Variants in SGCD observed in about 807,000 individuals in gnomAD.
SGCD encodes sarcoglycan delta.
Under a neutral mutation model 36.6 loss-of-function variants are expected in SGCD, and 18 were observed. The observed-to-expected ratio is 0.49, with a 90% CI of 0.34 to 0.73. The LOEUF (loss-of-function observed/expected upper bound fraction) is 0.73, where lower values mean the gene tolerates loss of function less well. Ranked by LOEUF, SGCD falls within the 30% of genes least tolerant of loss-of-function variation. The pLI is 0.01. For synonymous variants in SGCD, 133 were observed against 130.6 expected, an observed-to-expected ratio of 1.02 and a Z score of -0.12; for missense variants, 387 against 346.7, an observed-to-expected ratio of 1.12 and a Z score of -0.92.
At chr5:156,312,256 T>G (rs1355561886) in intron 3 of SGCD, among the ~76,000 whole-genome samples, 3 of 152,178 alleles carry the variant, frequency 2.0e-5, no homozygotes, top group Admixed American at 6.5e-5. Flanking sequence ...ATTTATTTAT[T>G]GAGTGGCAGG....
At chr5:156,500,030 A>G (rs1180994175) in intron 3 of SGCD, among the ~76,000 whole-genome samples, 1 of 152,192 alleles carries the variant, frequency 6.6e-6, no homozygotes, top group South Asian at 2.1e-4. Context: ...GATATGCTGC[A>G]TATGTACTTT....
intron 3 of SGCD, among the ~76,000 whole-genome samples, chr5:156,395,444 C>T (rs1580924051): frequency 6.6e-6 from 1 of 152,330 alleles, no homozygotes; most frequent in African/African-American, 2.4e-5. Context: ...CCTGGATTGT[C>T]AGTAGAGACA....
In SGCD at chr5:156,049,379, G is replaced by C. The variant is rs909154990; in HGVS notation, c.-281-68499G>C. ...CTGTGAAGAAAGTCATTGGTAGCTTGATGGGGATGGCATTGAATCTATAAA... is the reference window on the plus strand; with the variant it reads ...CTGTGAAGAAAGTCATTGGTAGCTTCATGGGGATGGCATTGAATCTATAAA... On this transcript the variant is annotated intron_variant, in intron 1 of 9. Coordinates refer to the SGCD transcript ENST00000517913. 2.7e-5 allele frequency among the ~76,000 whole-genome samples: 4 copies of C among 146,024 alleles called. 1 individual carries two copies. Among genetic ancestry groups the C allele is most frequent in the Non-Finnish European group, 6.2e-5 (4 of 64,792 alleles).
chr5:155,830,799 A>G, the SGCD span, among the ~76,000 whole-genome samples: 1 of 152,216 alleles, frequency 6.6e-6, no homozygotes, highest in Non-Finnish European at 1.5e-5. Flanking sequence ...TCTGGGGGCC[A>G]CATAAGTTCT....
At chr5:156,641,209 C>T (rs761430725) in intron 6 of SGCD, among the ~76,000 whole-genome samples, 36 of 152,206 alleles carry the variant, frequency 2.4e-4, no homozygotes, top group Non-Finnish European at 4.4e-4. Flanking sequence ...CCATAACTCA[C>T]TCTTCTACAA....
At chr5:155,900,335 A>C (rs905944238) in intron 1 of SGCD, among the ~76,000 whole-genome samples, 1 of 152,192 alleles carries the variant, frequency 6.6e-6, no homozygotes, top group African/African-American at 2.4e-5. Context: ...AAAGCTTAAA[A>C]ACAACACAAA....
chr5:156,142,372 C>G (rs189129276), intron 3 of SGCD, among the ~76,000 whole-genome samples: 4 of 152,272 alleles, frequency 2.6e-5, no homozygotes, highest in Non-Finnish European at 4.4e-5. Flanking sequence ...AAATTGGTAT[C>G]AAGAAGTGGG....
intron 3 of SGCD, among the ~76,000 whole-genome samples, chr5:156,469,236 T>C (rs761413261): frequency 3.9e-5 from 6 of 152,302 alleles, no homozygotes; most frequent in Non-Finnish European, 8.8e-5. Flanking sequence ...TTTGCATTTT[T>C]CTGGAGTTGA....
intron 3 of SGCD, among the ~76,000 whole-genome samples, chr5:156,375,728 C>T (rs973745041): frequency 6.6e-6 from 1 of 152,144 alleles, no homozygotes; most frequent in African/African-American, 2.4e-5. Context: ...AGCATCTGAA[C>T]GTTTATGTAT....
At chr5:155,895,754 C>T (rs1756237575) in intron 1 of SGCD, among the ~76,000 whole-genome samples, 1 of 151,404 alleles carries the variant, frequency 6.6e-6, no homozygotes, top group Non-Finnish European at 1.5e-5. Flanking sequence ...GGGATATAGA[C>T]CCATTTAGAG....
chr5:155,823,799 T>G, the SGCD span, among the ~76,000 whole-genome samples: 1 of 152,222 alleles, frequency 6.6e-6, no homozygotes, highest in African/African-American at 2.4e-5. Context: ...GGCTCTTTCT[T>G]CTTTACAGAG....
intron 4 of SGCD, among the ~76,000 whole-genome samples, chr5:156,525,040 C>T (rs1757586318): frequency 6.6e-6 from 1 of 152,026 alleles, no homozygotes; most frequent in African/African-American, 2.4e-5. Context: ...TATGGGCATG[C>T]AGATATCTCT....
Position 156,422,872 on chromosome 5 carries a change from G to A in SGCD, c.192+78195G>A, listed in dbSNP as rs188232795. 7.9e-3 allele frequency among the ~76,000 whole-genome samples: 1,194 copies of A among 151,936 alleles called. 10 individuals are homozygous for A. The highest frequency in any genetic ancestry group is 8.3e-3 in the Non-Finnish European group (564 of 67,934). ...CCCAGTTGAGAACCACTGATGTAAA[G>A]TGAGGTTAATATTTCCTTCTGTAGG... is the stretch of plus-strand genomic sequence containing the variant. On this transcript the variant is annotated intron_variant, in intron 3 of 8. Coordinates refer to ENST00000337851, the MANE Select transcript of SGCD (RefSeq NM_000337.6).
At chr5:156,574,142 A>T (rs1759831713) in intron 4 of SGCD, among the ~76,000 whole-genome samples, 1 of 152,170 alleles carries the variant, frequency 6.6e-6, no homozygotes, top group African/African-American at 2.4e-5. Flanking sequence ...TAGGTGGGGA[A>T]ATGGAGATAC....
chr5:156,025,276 G>T (rs1441087130), intron 1 of SGCD, among the ~76,000 whole-genome samples: 1 of 152,146 alleles, frequency 6.6e-6, no homozygotes, highest in Non-Finnish European at 1.5e-5. Flanking sequence ...CTCTGCCTCA[G>T]CATGAAAGTG....
the SGCD span, among the ~76,000 whole-genome samples, chr5:155,850,660 G>T: frequency 2.0e-5 from 3 of 151,638 alleles, no homozygotes; most frequent in Non-Finnish European, 4.4e-5. Flanking sequence ...AAACTGTAGT[G>T]GTTGGTGGGA....
chr5:156,286,225 G>A (rs1355848623), intron 3 of SGCD, among the ~76,000 whole-genome samples: 1 of 152,178 alleles, frequency 6.6e-6, no homozygotes, highest in Non-Finnish European at 1.5e-5. Flanking sequence ...TACTGTTGAT[G>A]GGACTGTAAA....
chr5:156,583,520 C>A (rs1223744061), intron 4 of SGCD, among the ~76,000 whole-genome samples: 1 of 152,184 alleles, frequency 6.6e-6, no homozygotes, highest in Admixed American at 6.6e-5. Flanking sequence ...TCCCACCTGG[C>A]CACTCATATC....
At chr5:156,746,617 G>A (rs569849046) in intron 7 of SGCD, among the ~76,000 whole-genome samples, 1 of 152,298 alleles carries the variant, frequency 6.6e-6, no homozygotes, top group African/African-American at 2.4e-5. Context: ...CATCAGTGCT[G>A]TTCAATGGGG....
Sources: allele counts gnomAD v4.1 joint callset (sites outside exome capture counted in the v4.1 genomes callset), GRCh38; gene constraint gnomAD v4.1.1; transcripts MANE v1.5; gene names NCBI Gene and HGNC (gene_info 2026-07-23, HGNC 2026-07-21).